PHEX: variants seen among roughly 807,000 people sequenced by gnomAD.
PHEX encodes phosphate-regulating neutral endopeptidase PHEX.
Under a neutral mutation model 68.0 loss-of-function variants are expected in PHEX, and 16 were observed. That is an observed-to-expected ratio of 0.24 (90% confidence interval 0.16 to 0.36). PHEX has a LOEUF of 0.36. Ranked by LOEUF, PHEX falls within the 10% of genes least tolerant of loss-of-function variation. The pLI, the probability that PHEX is intolerant of heterozygous loss-of-function variation, is 1.00. For missense variants in PHEX, 480 were observed against 575.5 expected (o/e 0.83, Z 1.70); for synonymous variants, 208 against 205.1 (o/e 1.01, Z -0.12).
In PHEX at chrX:22,178,257, G is replaced by A. The variant is rs1157882268; in HGVS notation, c.1483-16G>A. Reference sequence around the variant, plus strand: ...TCTTTACTTAGAACAATGATGTTGTGGTTTGTTTTATTCAGATCAAGTTTT... The same window carrying A: ...TCTTTACTTAGAACAATGATGTTGTAGTTTGTTTTATTCAGATCAAGTTTT... On this transcript the variant is annotated splice_polypyrimidine_tract_variant and intron_variant, in intron 13 of 21. Transcript: ENST00000379374. 2 of 1,070,630 alleles carry A rather than the reference G, an allele frequency of 1.9e-6. No homozygotes were observed. Among genetic ancestry groups the A allele is most frequent in the Non-Finnish European group, 2.6e-6 (2 of 770,530 alleles). 88.2% of individuals were successfully genotyped at this position (1,070,630 alleles called of 1,213,427 possible).
intron 5 of PHEX, among the ~76,000 whole-genome samples, chrX:22,082,407 G>A (rs966290571): frequency 8.9e-6 from 1 of 112,205 alleles, no homozygotes. Flanking sequence ...ATTCTGACTG[G>A]TGTGAGATGG....
intron 9 of PHEX, among the ~76,000 whole-genome samples, chrX:22,104,593 A>G (rs1930590473): frequency 9.0e-6 from 1 of 111,679 alleles, no homozygotes; most frequent in Admixed American, 9.5e-5. Flanking sequence ...GTAACAAATC[A>G]TTTTTCTTTT....
rs550197376 is a variant in PHEX at position 22,202,801 on chromosome X, C to T, written c.1646-10103C>T. Among the ~76,000 whole-genome samples the T allele has an allele frequency of 4.6e-4, 51 of 111,367 alleles. No homozygotes were observed. In the South Asian group the frequency reaches 0.016, roughly 35 times the overall value. On this transcript the variant is annotated intron_variant, in intron 15 of 21. Coordinates refer to ENST00000379374, the MANE Select transcript of PHEX (RefSeq NM_000444.6). ...GGAATATGAGTAGAATATGAGACAC[C>T]GAGCTTTATAGTGGAAGGAAATTAG...
chrX:22,072,325 C>T (rs1232909863), intron 3 of PHEX, among the ~76,000 whole-genome samples: 3 of 111,116 alleles, frequency 2.7e-5, no homozygotes, highest in Non-Finnish European at 3.8e-5. Context: ...GTAGGAGAAT[C>T]GCGTGAACCT....
intron 12 of PHEX, among the ~76,000 whole-genome samples, chrX:22,142,683 C>G (rs1378254055): frequency 2.7e-5 from 3 of 112,089 alleles, no homozygotes; most frequent in Non-Finnish European, 5.6e-5. Context: ...TTGTTAGGTG[C>G]CAGTCAATTC....
chrX:22,098,941 T>A, intron 8 of PHEX, 65 bp from the exon 9 acceptor site: 1 of 1,011,367 alleles, frequency 9.9e-7, no homozygotes, highest in Non-Finnish European at 1.4e-6. Flanking sequence ...ATCTACTCTA[T>A]CTGCCTTTCT....
intron 20 of PHEX, among the ~76,000 whole-genome samples, chrX:22,233,835 C>T (rs962224620): frequency 6.3e-5 from 7 of 111,202 alleles, no homozygotes; most frequent in East Asian, 2.9e-4. Context: ...AATCATTCTC[C>T]GTCCAGTTTT....
At position 22,249,455 on chromosome X, in the gene PHEX, A is replaced by AAAAAAAAAAATATATATATATATATAT; in HGVS notation, c.*1503_*1504insAAAAAAAAATATATATATATATATATA. 1 of 39,764 alleles carries AAAAAAAAAAATATATATATATATATAT rather than the reference A, an allele frequency of 2.5e-5. No homozygotes were observed. The highest frequency in any genetic ancestry group is 1.7e-4 in the African/African-American group (1 of 6,007). The allele number at this position is 39,764 out of a possible 1,213,427, so 3.3% of individuals were successfully genotyped here. On this transcript the variant is annotated 3_prime_UTR_variant, in exon 22 of 22. Transcript: ENST00000379374. ...TTGTGATTCTTTTAAAAAAAAAAAA[A>AAAAAAAAAAATATATATATATATATAT]ATATATATATATATATATATATATA...
intron 11 of PHEX, among the ~76,000 whole-genome samples, chrX:22,117,570 A>T (rs1602309683): frequency 8.9e-6 from 1 of 111,991 alleles, no homozygotes; most frequent in East Asian, 2.8e-4. Flanking sequence ...AAAAACAATT[A>T]AAGGATAATG....
intron 5 of PHEX, among the ~76,000 whole-genome samples, chrX:22,078,650 T>C (rs1003967891): frequency 7.2e-5 from 8 of 111,849 alleles, no homozygotes; most frequent in Non-Finnish European, 1.1e-4. Flanking sequence ...GATTGGCACA[T>C]TTTTTGGGTA....
At chrX:22,082,856 A>T (rs1192960495) in intron 5 of PHEX, among the ~76,000 whole-genome samples, 1 of 112,442 alleles carries the variant, frequency 8.9e-6, no homozygotes, top group African/African-American at 3.2e-5. Flanking sequence ...GAAAAAGGCT[A>T]TTCTAAAATT....
chrX:22,229,311 C>T (rs1477066624), intron 20 of PHEX, among the ~76,000 whole-genome samples: 8 of 111,787 alleles, frequency 7.2e-5, no homozygotes, highest in Non-Finnish European at 1.5e-4. Flanking sequence ...CTTGAGGAAT[C>T]GCCACACTGT....
At chrX:22,105,724 GATA>G (rs1360689872) in intron 9 of PHEX, among the ~76,000 whole-genome samples, 1 of 111,554 alleles carries the variant, frequency 9.0e-6, no homozygotes, top group Non-Finnish European at 1.9e-5. Flanking sequence ...TGAAAATAAG[GATA>G]ATAATAATAA....
At chrX:22,173,686 T>TA (rs750639974) in intron 13 of PHEX, among the ~76,000 whole-genome samples, 8 of 111,202 alleles carry the variant, frequency 7.2e-5, no homozygotes, top group Non-Finnish European at 1.3e-4. Context: ...CATGTAGATA[T>TA]AAAATACGGA....
intron 12 of PHEX, among the ~76,000 whole-genome samples, chrX:22,166,718 C>A (rs753701196): frequency 5.6e-4 from 62 of 111,123 alleles, no homozygotes; most frequent in South Asian, 1.9e-3. Context: ...TTGTACAATA[C>A]ATCTCCTAAA....
At chrX:22,204,218 G>T (rs1277471316) in intron 15 of PHEX, among the ~76,000 whole-genome samples, 1 of 111,172 alleles carries the variant, frequency 9.0e-6, no homozygotes, top group Non-Finnish European at 1.9e-5. Context: ...GGAGTGCCCT[G>T]GTGATGCTGA....
intron 12 of PHEX, among the ~76,000 whole-genome samples, chrX:22,160,049 G>T (rs1343972664): frequency 8.9e-6 from 1 of 111,873 alleles, no homozygotes; most frequent in Non-Finnish European, 1.9e-5. Context: ...CAGCATTAAG[G>T]AGAGTCCTGA....
intron 5 of PHEX, among the ~76,000 whole-genome samples, chrX:22,087,076 C>T (rs1222012394): frequency 8.9e-6 from 1 of 111,763 alleles, no homozygotes; most frequent in African/African-American, 3.3e-5. Context: ...CCCTAGAAAC[C>T]ATAACAATCT....
At chrX:22,232,351 C>T (rs1935780890) in intron 20 of PHEX, among the ~76,000 whole-genome samples, 1 of 107,962 alleles carries the variant, frequency 9.3e-6, no homozygotes, top group Admixed American at 9.9e-5. Flanking sequence ...GTCCATTTAT[C>T]TAATATTGAC....
Sources: gnomAD v4.1 joint callset for allele counts (sites outside exome capture counted in the v4.1 genomes callset) on GRCh38, gnomAD v4.1.1 for gene constraint, MANE v1.5 for transcripts, NCBI Gene and HGNC (gene_info 2026-07-23, HGNC 2026-07-21) for gene names.